OPRK1: variants seen among roughly 807,000 people sequenced by gnomAD.
OPRK1 encodes the protein kappa-type opioid receptor.
Under a neutral mutation model 24.5 loss-of-function variants are expected in OPRK1, and 15 were observed. The observed-to-expected ratio is 0.61, with a 90% CI of 0.41 to 0.94. OPRK1 has a LOEUF of 0.94. OPRK1 is among the 40% of genes least tolerant of loss of function. OPRK1 has a pLI of 0.00. For synonymous variants in OPRK1, 205 were observed against 198.0 expected (o/e 1.04, Z -0.30); for missense variants, 479 against 507.3 (o/e 0.94, Z 0.54).
At chr8:53,238,800 C>A (rs890062990) in intron 2 of OPRK1, 12 of 734,342 alleles carry the variant, frequency 1.6e-5, no homozygotes, top group Non-Finnish European at 2.0e-5. Flanking sequence ...AAAGGTGGCA[C>A]TTGAGAAGGG....
Position 53,228,388 on chromosome 8 carries a change from C to T in OPRK1, c.*909G>A, listed in dbSNP as rs3802279. 0.17 allele frequency: 26,508 copies of T among 152,086 alleles called. 3,122 individuals are homozygous for T. Among genetic ancestry groups the T allele is most frequent in the African/African-American group, 0.33 (13,548 of 41,426 alleles). The allele number at this position is 152,086 out of a possible 1,614,324, so 9.4% of individuals were successfully genotyped here. A position where few individuals can be genotyped will look rare whatever the true frequency, so the allele number is the denominator to read the frequency against. On this transcript the variant is annotated 3_prime_UTR_variant, in exon 4 of 4. Coordinates refer to ENST00000265572, the MANE Select transcript of OPRK1 (RefSeq NM_000912.5). Reference sequence around the variant, plus strand: ...TTCAGGGAGTCTGAAAGAGATCATGCCATGACTAATTCCCAGCAAAATGTC... The same window carrying T: ...TTCAGGGAGTCTGAAAGAGATCATGTCATGACTAATTCCCAGCAAAATGTC...
At chr8:53,245,333 C>T (rs1169198373) in intron 2 of OPRK1, among the ~76,000 whole-genome samples, 1 of 152,110 alleles carries the variant, frequency 6.6e-6, no homozygotes, top group Non-Finnish European at 1.5e-5. Flanking sequence ...AGGGGAAAGG[C>T]TATGTGAAGT....
chr8:53,250,567 G>C (rs565876615), intron 2 of OPRK1, among the ~76,000 whole-genome samples: 35 of 152,254 alleles, frequency 2.3e-4, no homozygotes, highest in African/African-American at 7.7e-4. Context: ...TGGCCGCTCG[G>C]ATTCGCCTGT....
In OPRK1 at chr8:53,228,984, C is replaced by T. The variant is rs1806783335; in HGVS notation, c.*313G>A. ...ACTACGTTTCATAGGAAGGCCACAG[C>T]AGATGGGTGCTGAACCTTACCTAGC... On this transcript the variant is annotated 3_prime_UTR_variant, in exon 4 of 4. Coordinates refer to ENST00000265572, the MANE Select transcript of OPRK1 (RefSeq NM_000912.5). The T allele has an allele frequency of 4.6e-6, 1 of 215,924 alleles. No homozygotes were observed. 13.4% of individuals were successfully genotyped at this position (215,924 alleles called of 1,614,324 possible). A position where few individuals can be genotyped will look rare whatever the true frequency, so the allele number is the denominator to read the frequency against.
intron 2 of OPRK1, among the ~76,000 whole-genome samples, chr8:53,238,319 T>C (rs888524828): frequency 1.3e-4 from 20 of 152,202 alleles, no homozygotes; most frequent in African/African-American, 4.8e-4. Context: ...GGGTGGGAAG[T>C]TCTGGCTTGT....
intron 2 of OPRK1, 61 bp downstream of exon 2, chr8:53,250,720 G>T: frequency 6.7e-7 from 1 of 1,496,042 alleles, no homozygotes; most frequent in African/African-American, 1.4e-5. Context: ...TCCAGTGGCG[G>T]GGCCTGACCC....
rs749949592 is a variant in OPRK1 at position 53,229,631 on chromosome 8, C to G, written c.809G>C (p.Arg270Pro). ...CACCAGGACCAGTCTGGTGATCCTA[C>G]GCAGGTTGCGATCTTTCTCTCGGGA... Reference protein sequence around the residue: ...SGSREKDRNLRRITRLVLVVV... With the variant: ...SGSREKDRNLPRITRLVLVVV... Residue 270 changes from arginine (R) to proline (P), a missense_variant, in exon 4 of 4, where the codon CGT (arginine) becomes CCT (proline). Physicochemically the swap from Arg to Pro is moderately radical, Grantham distance 103. Transcript: ENST00000265572. The G allele has an allele frequency of 3.1e-6, 5 of 1,613,960 alleles. No homozygotes were observed. Among genetic ancestry groups the G allele is most frequent in the Admixed American group, 1.7e-5 (1 of 60,004 alleles).
chr8:53,239,731 T>A (rs762538607), intron 2 of OPRK1, among the ~76,000 whole-genome samples: 1 of 152,198 alleles, frequency 6.6e-6, no homozygotes, highest in African/African-American at 2.4e-5. Flanking sequence ...CAGCCTTCAT[T>A]GTCACATGAC....
intron 3 of OPRK1, 93 bp from the exon 4 acceptor site, chr8:53,229,922 TATTGCAATGGTCCA>T: frequency 8.7e-7 from 1 of 1,145,236 alleles, no homozygotes; most frequent in South Asian, 1.7e-5. Flanking sequence ...TAATACCTTT[TATTGCAATGGTCCA>T]ATTATGGTAA....
chr8:53,242,989 A>G (rs1420964922), intron 2 of OPRK1: 12 of 1,247,380 alleles, frequency 9.6e-6, no homozygotes, highest in African/African-American at 3.1e-5. Flanking sequence ...TTCTTCATAT[A>G]TAAGCCTTCC....
rs1203910737 is a variant in OPRK1, at chr8:53,226,161, T to G, written c.*3136A>C. ...AGTAATATATCACAGAATAGAACCA[T>G]TTTCTTAAGATTTTATGTGACTCTT... On this transcript the variant is annotated 3_prime_UTR_variant, in exon 4 of 4. Transcript: ENST00000265572. The G allele has an allele frequency of 6.6e-6, 1 of 152,144 alleles. No homozygotes were observed. Among genetic ancestry groups the G allele is most frequent in the African/African-American group, 2.4e-5 (1 of 41,386 alleles). 9.4% of individuals were successfully genotyped at this position (152,144 alleles called of 1,614,324 possible).
chr8:53,235,488 A>T (rs758682640), intron 2 of OPRK1, among the ~76,000 whole-genome samples: 1 of 152,148 alleles, frequency 6.6e-6, no homozygotes, highest in Non-Finnish European at 1.5e-5. Context: ...CACTATATTC[A>T]TTCTCTTTGA....
intron 2 of OPRK1, among the ~76,000 whole-genome samples, chr8:53,249,851 G>T (rs1807326992): frequency 1.3e-5 from 2 of 152,106 alleles, no homozygotes; most frequent in Non-Finnish European, 2.9e-5. Flanking sequence ...ACTTCTCAAA[G>T]GAACACAAGC....
rs1324215531 is a variant in OPRK1 at position 53,227,353 on chromosome 8, T to G, written c.*1944A>C. 1.3e-5 allele frequency: 2 copies of G among 152,182 alleles called. No homozygotes were observed. Among genetic ancestry groups the G allele is most frequent in the Non-Finnish European group, 2.9e-5 (2 of 68,032 alleles). 9.4% of individuals were successfully genotyped at this position (152,182 alleles called of 1,614,324 possible). A position where few individuals can be genotyped will look rare whatever the true frequency, so the allele number is the denominator to read the frequency against. On this transcript the variant is annotated 3_prime_UTR_variant, in exon 4 of 4. Transcript: ENST00000265572. ...ATCCTATCTCTGTTATACTTTGCAC[T>G]GGAAAGGAATCTGACGAGAAAGTCT... is the stretch of plus-strand genomic sequence containing the variant.
chr8:53,246,280 C>T (rs73589387), intron 2 of OPRK1, among the ~76,000 whole-genome samples: 15,147 of 152,076 alleles, frequency 0.1, 826 homozygotes, highest in South Asian at 0.18. Flanking sequence ...TGGCCTAAAA[C>T]GAGCATCTGA....
intron 2 of OPRK1, chr8:53,238,554 GGTGGCCA>G (rs11280309): frequency 0.051 from 50,651 of 985,142 alleles, 1,399 homozygotes; most frequent in African/African-American, 0.081. Context: ...GGAAGGCTAT[GGTGGCCA>G]GGCAACAGGG....
Position 53,234,910 on chromosome 8 carries a change from G to A in OPRK1, c.459C>T (p.Ser153=), listed in dbSNP as rs7815824. Residue 153 remains serine (S), a synonymous_variant, in exon 3 of 4, where the codon AGC becomes AGT. Coordinates refer to ENST00000265572, the MANE Select transcript of OPRK1 (RefSeq NM_000912.5). ...GGCACACGGCAATGTAGCGGTCCAC[G>A]CTCATCATGGTCAAGGTGAAGATGC... ...FTSIFTLTMM[S]VDRYIAVCHP... The A allele has an allele frequency of 0.036, 58,022 of 1,614,024 alleles. 1,818 individuals are homozygous for A. The highest frequency in any genetic ancestry group is 0.17 in the African/African-American group (12,520 of 74,930).
chr8:53,243,406 A>G (rs1395079159), intron 2 of OPRK1, among the ~76,000 whole-genome samples: 5 of 152,256 alleles, frequency 3.3e-5, no homozygotes, highest in Admixed American at 2.0e-4. Flanking sequence ...GGCATCAGAA[A>G]ACACGTAAAG....
intron 2 of OPRK1, among the ~76,000 whole-genome samples, chr8:53,245,561 C>T (rs530716470): frequency 6.6e-6 from 1 of 152,294 alleles, no homozygotes; most frequent in East Asian, 1.9e-4. Context: ...GATCATCACA[C>T]TGAGCCATTT....
Sources: allele counts gnomAD v4.1 joint callset (sites outside exome capture counted in the v4.1 genomes callset), GRCh38; gene constraint gnomAD v4.1.1; transcripts MANE v1.5; gene names NCBI Gene and HGNC (gene_info 2026-07-23, HGNC 2026-07-21).